The following SSBP2 variants were observed in gnomAD, a reference collection of about 807,000 sequenced individuals.
The protein encoded by SSBP2 is single stranded DNA binding protein 2.
A neutral mutation model predicts 61.8 loss-of-function variants in SSBP2; 17 were observed. That is an observed-to-expected ratio of 0.28 (90% CI 0.19 to 0.41). The LOEUF (loss-of-function observed/expected upper bound fraction) is 0.41. Among genes scored for constraint, SSBP2 ranks in the 10% least tolerant of loss-of-function variants. The pLI is 1.00. For missense variants in SSBP2, 310 were observed against 458.7 expected, an observed-to-expected ratio of 0.68 and a Z score of 2.96; for synonymous variants, 139 against 141.3, an observed-to-expected ratio of 0.98 and a Z score of 0.12.
At chr5:81,627,258 TG>T (rs1220569471) in intron 3 of SSBP2, among the ~76,000 whole-genome samples, 1 of 152,158 alleles carries the variant, frequency 6.6e-6, no homozygotes, top group African/African-American at 2.4e-5. Context: ...TCTCCCATGC[TG>T]AATTTTAGTT....
chr5:81,691,889 G>T (rs1284256100), intron 1 of SSBP2, among the ~76,000 whole-genome samples: 4 of 152,052 alleles, frequency 2.6e-5, no homozygotes, highest in African/African-American at 9.7e-5. Context: ...TATTTCAGGG[G>T]TGCAAGGATG....
intron 4 of SSBP2, among the ~76,000 whole-genome samples, chr5:81,557,737 A>G (rs1772716519): frequency 1.3e-5 from 2 of 152,034 alleles, no homozygotes; most frequent in African/African-American, 4.8e-5. Flanking sequence ...TTATCCTCTA[A>G]GTTTTTGAAT....
chr5:81,461,277 C>T (rs1331695726), intron 9 of SSBP2, among the ~76,000 whole-genome samples, 174 bp from the exon 10 acceptor site: 1 of 151,728 alleles, frequency 6.6e-6, no homozygotes, highest in Non-Finnish European at 1.5e-5. Context: ...AATTAAGTCC[C>T]CCAAAAGAAA....
chr5:81,473,639 T>C (rs539305727), intron 8 of SSBP2, 61 bp downstream of exon 8: 35 of 1,412,372 alleles, frequency 2.5e-5, no homozygotes, highest in South Asian at 2.4e-4. Context: ...CAGTCTATCA[T>C]TGATGGGCAT....
chr5:81,575,724 A>G (rs985220135), intron 4 of SSBP2, among the ~76,000 whole-genome samples: 2 of 152,326 alleles, frequency 1.3e-5, no homozygotes, highest in African/African-American at 4.8e-5. Flanking sequence ...AAAGATTATC[A>G]GACTAGATAA....
At chr5:81,701,163 C>T (rs997548237) in intron 1 of SSBP2, among the ~76,000 whole-genome samples, 1 of 152,096 alleles carries the variant, frequency 6.6e-6, no homozygotes, top group Admixed American at 6.6e-5. Flanking sequence ...ACTTAGAGGC[C>T]ATTGTAGGTT....
rs545568674 is a variant in SSBP2 at position 81,502,986 on chromosome 5, A to T, written c.372+10642T>A. 2.6e-5 allele frequency among the ~76,000 whole-genome samples: 4 copies of T among 152,346 alleles called. No individual in the cohort carries two copies. The East Asian group carries it at 5.8e-4, about 22-fold the overall frequency. ...CTTATACAAGATTACAATGAAAAAC[A>T]AACAACCCCATTAAAAAGTGGGCAA... is the stretch of plus-strand genomic sequence containing the variant. On this transcript the variant is annotated intron_variant, in intron 5 of 16. Coordinates refer to ENST00000320672, the MANE Select transcript of SSBP2 (RefSeq NM_012446.5).
chr5:81,435,797 A>G (rs1338277789), intron 15 of SSBP2, among the ~76,000 whole-genome samples: 2 of 152,198 alleles, frequency 1.3e-5, no homozygotes, highest in African/African-American at 4.8e-5. Flanking sequence ...TCTGTAATTA[A>G]GAATCCATCT....
At chr5:81,677,230 A>C (rs967084475) in intron 1 of SSBP2, among the ~76,000 whole-genome samples, 2 of 152,172 alleles carry the variant, frequency 1.3e-5, no homozygotes, top group African/African-American at 2.4e-5. Flanking sequence ...AGCATATAAG[A>C]AGCTTAGAAA....
intron 1 of SSBP2, among the ~76,000 whole-genome samples, chr5:81,720,682 C>T (rs187582708): frequency 6.1e-4 from 93 of 152,278 alleles, no homozygotes; most frequent in Non-Finnish European, 7.4e-5. Context: ...TGCCTCTAAG[C>T]TTCTGAACAA....
At position 81,680,138 on chromosome 5, in the gene SSBP2, T is replaced by C. The variant is rs139605167; in HGVS notation, c.63-29799A>G. Among the ~76,000 whole-genome samples, 567 of 151,810 alleles carry C rather than the reference T, an allele frequency of 3.7e-3. 1 individual carries two copies. The highest frequency in any genetic ancestry group is 0.013 in the African/African-American group (531 of 41,468). On this transcript the variant is annotated intron_variant, in intron 1 of 16. Coordinates refer to ENST00000320672, the MANE Select transcript of SSBP2 (RefSeq NM_012446.5). ...TAGACTCAAACTGGGACTTACACCA[T>C]TAGCTCTCATGGTTTTCAGGCATCT...
At chr5:81,674,578 T>C (rs549590403) in intron 1 of SSBP2, among the ~76,000 whole-genome samples, 6 of 152,304 alleles carry the variant, frequency 3.9e-5, no homozygotes, top group Admixed American at 2.0e-4. Flanking sequence ...CTCTAAAATA[T>C]TATGCAATTT....
chr5:81,530,064 G>C (rs112933122), intron 4 of SSBP2, among the ~76,000 whole-genome samples: 4 of 152,042 alleles, frequency 2.6e-5, no homozygotes, highest in African/African-American at 9.6e-5. Context: ...GAAGGTAAGA[G>C]AAATGATCAA....
At chr5:81,538,434 CT>C (rs1770985409) in intron 4 of SSBP2, among the ~76,000 whole-genome samples, 1 of 152,090 alleles carries the variant, frequency 6.6e-6, no homozygotes, top group Admixed American at 6.5e-5. Flanking sequence ...GCAGTAAGTG[CT>C]GATGTAGAAG....
intron 4 of SSBP2, among the ~76,000 whole-genome samples, chr5:81,516,526 A>G (rs1035837173): frequency 2.0e-5 from 3 of 152,028 alleles, no homozygotes; most frequent in Non-Finnish European, 4.4e-5. Flanking sequence ...CACTTTGTGG[A>G]CCACACTTTT....
At chr5:81,434,084 A>AG (rs1762516503) in intron 15 of SSBP2, among the ~76,000 whole-genome samples, 2 of 152,190 alleles carry the variant, frequency 1.3e-5, no homozygotes, top group African/African-American at 4.8e-5. Flanking sequence ...TGCCTATGAG[A>AG]GATTAAGTAA....
At chr5:81,509,441 C>T (rs995524894) in intron 5 of SSBP2, among the ~76,000 whole-genome samples, 1 of 152,168 alleles carries the variant, frequency 6.6e-6, no homozygotes, top group Middle Eastern at 3.2e-3. Flanking sequence ...CCATGGAAAG[C>T]AGCTACTCCT....
intron 1 of SSBP2, among the ~76,000 whole-genome samples, chr5:81,749,668 A>T (rs1460956552): frequency 1.5e-5 from 1 of 66,306 alleles, no homozygotes; most frequent in Non-Finnish European, 4.9e-5. Flanking sequence ...GCACAGTTTA[A>T]AAAAAAAAGG....
chr5:81,666,549 A>C (rs756984496), intron 1 of SSBP2, among the ~76,000 whole-genome samples: 2 of 152,248 alleles, frequency 1.3e-5, no homozygotes, highest in African/African-American at 2.4e-5. Context: ...AATGACTACT[A>C]TCAACTTTGG....
Sources: gnomAD v4.1 joint callset for allele counts (sites outside exome capture counted in the v4.1 genomes callset) on GRCh38, gnomAD v4.1.1 for gene constraint, MANE v1.5 for transcripts, NCBI Gene and HGNC (gene_info 2026-07-23, HGNC 2026-07-21) for gene names.